The following CRYL1 variants were observed in gnomAD, a reference collection of about 807,000 sequenced individuals.
The protein encoded by CRYL1 is crystallin lambda 1, also known as lambda-crystallin homolog.
Under a neutral mutation model 36.6 loss-of-function variants are expected in CRYL1, and 29 were observed. The ratio of observed to expected loss-of-function variants is 0.79; its 90% CI spans 0.59 to 1.08. The LOEUF is 1.08. CRYL1 is among the 50% of genes least tolerant of loss of function. The pLI, the probability that CRYL1 is intolerant of heterozygous loss-of-function variation, is 0.00. For missense variants in CRYL1, 411 were observed against 407.9 expected (o/e 1.01, Z -0.06); for synonymous variants, 152 against 151.5 (o/e 1.00, Z -0.02).
At chr13:20,519,950 ACAGTC>A (rs2034065509) in intron 1 of CRYL1, among the ~76,000 whole-genome samples, 1 of 152,224 alleles carries the variant, frequency 6.6e-6, no homozygotes, top group Non-Finnish European at 1.5e-5. Context: ...TAGTTTTAAA[ACAGTC>A]CATATCTTTT....
rs371898551 is a variant in CRYL1 at position 20,453,396 on chromosome 13, T to TTGTAATATA, written c.277-13643_277-13642insTATATTACA. On this transcript the variant is annotated intron_variant, in intron 3 of 7. Coordinates refer to ENST00000298248, the MANE Select transcript of CRYL1 (RefSeq NM_015974.3). ...TGGGAAATTAGAATATTTTGAAATA[T>TTGTAATATA]TTTGAATATTTTGAAATATTCTAAT... Among the ~76,000 whole-genome samples, 26 of 137,722 alleles carry TTGTAATATA rather than the reference T, an allele frequency of 1.9e-4. 1 individual carries two copies. The highest frequency in any genetic ancestry group is 3.9e-3 in the Middle Eastern group (1 of 258). The allele number at this position is 137,722 out of a possible 152,430, so 90.4% of individuals were successfully genotyped here. A position where few individuals can be genotyped will look rare whatever the true frequency, so the allele number is the denominator to read the frequency against.
chr13:20,479,948 A>G (rs920638611), intron 3 of CRYL1, among the ~76,000 whole-genome samples: 2 of 152,210 alleles, frequency 1.3e-5, no homozygotes, highest in Non-Finnish European at 2.9e-5. Context: ...GCTGTTACCA[A>G]GAACTACATT....
intron 3 of CRYL1, among the ~76,000 whole-genome samples, chr13:20,471,389 G>A (rs1188539516): frequency 3.3e-5 from 5 of 152,054 alleles, no homozygotes; most frequent in East Asian, 1.9e-4. Flanking sequence ...TGGCTAACAC[G>A]GTGAAGTGTT....
chr13:20,432,134 C>T lies in CRYL1; in HGVS notation c.601G>A (p.Ala201Thr). Residue 201 changes from alanine to threonine, a missense_variant, in exon 5 of 8, where the codon GCA (alanine) becomes ACA (threonine). By Grantham distance (58) the Ala-to-Thr change is moderately conservative (BLOSUM62 0). Coordinates refer to ENST00000298248, the MANE Select transcript of CRYL1 (RefSeq NM_015974.3). Reference sequence around the variant, plus strand: ...AGCCGCCAGGCCTCGCTGATGATTGCATATTGCAGGCGGTTCAGAACGAAG... The same window carrying T: ...AGCCGCCAGGCCTCGCTGATGATTGTATATTGCAGGCGGTTCAGAACGAAG... ...AGFVLNRLQY[A>T]IISEAWRLVE... The T allele has an allele frequency of 6.2e-7, 1 of 1,614,148 alleles. No individual in the cohort carries two copies. Among genetic ancestry groups the T allele is most frequent in the South Asian group, 1.1e-5 (1 of 91,082 alleles).
At chr13:20,470,927 C>CAAAAAAAAAAAAAAAAAAAAAAAAAAAA (rs1282081880) in intron 3 of CRYL1, among the ~76,000 whole-genome samples, 1 of 113,810 alleles carries the variant, frequency 8.8e-6, no homozygotes, top group African/African-American at 3.4e-5. Flanking sequence ...AAAAAAAAAA[C>CAAAAAAAAAAAAAAAAAAAAAAAAAAAA]AAAAAAAAAA....
At chr13:20,456,334 G>T (rs1434766503) in intron 3 of CRYL1, among the ~76,000 whole-genome samples, 1 of 151,754 alleles carries the variant, frequency 6.6e-6, no homozygotes, top group Non-Finnish European at 1.5e-5. Context: ...ATTAGCTGGG[G>T]TTGTGGCACA....
At chr13:20,502,138 G>A (rs1345037273) in intron 2 of CRYL1, among the ~76,000 whole-genome samples, 1 of 152,112 alleles carries the variant, frequency 6.6e-6, no homozygotes, top group Admixed American at 6.5e-5. Context: ...GTTTGCCCAG[G>A]TCTCCACCCC....
intron 3 of CRYL1, among the ~76,000 whole-genome samples, chr13:20,463,078 C>T (rs1280203965): frequency 6.6e-6 from 1 of 152,160 alleles, no homozygotes; most frequent in Non-Finnish European, 1.5e-5. Context: ...GCTGGGTCTG[C>T]CCACCTCCTG....
chr13:20,466,281 T>C (rs1023634752), intron 3 of CRYL1, among the ~76,000 whole-genome samples: 1 of 152,102 alleles, frequency 6.6e-6, no homozygotes, highest in Non-Finnish European at 1.5e-5. Flanking sequence ...AGTGTTAAGG[T>C]CCACAAGAAA....
intron 2 of CRYL1, among the ~76,000 whole-genome samples, chr13:20,493,104 G>T (rs909352844): frequency 4.1e-4 from 63 of 152,226 alleles, no homozygotes; most frequent in African/African-American, 1.5e-3. Flanking sequence ...ACTCGGGTTG[G>T]CTGTTACAAT....
intron 3 of CRYL1, 50 bp downstream of exon 3, chr13:20,489,320 G>A: frequency 6.2e-7 from 1 of 1,607,064 alleles, no homozygotes. Flanking sequence ...GAGAGGCTGG[G>A]AGACAATGTC....
chr13:20,430,530 C>T (rs1054280375), intron 5 of CRYL1: 2 of 985,280 alleles, frequency 2.0e-6, no homozygotes, highest in South Asian at 4.7e-5. Context: ...AGCAGAACTA[C>T]CAGAGCAGCC....
intron 1 of CRYL1, among the ~76,000 whole-genome samples, chr13:20,512,966 T>C (rs541034713): frequency 6.6e-6 from 1 of 152,254 alleles, no homozygotes; most frequent in South Asian, 2.1e-4. Context: ...CACAAAGAAA[T>C]GATAAATGTT....
At chr13:20,457,653 T>A (rs1020688217) in intron 3 of CRYL1, among the ~76,000 whole-genome samples, 22 of 152,170 alleles carry the variant, frequency 1.4e-4, no homozygotes, top group Non-Finnish European at 2.9e-4. Flanking sequence ...AAGACAAATC[T>A]GGATCTACCA....
intron 2 of CRYL1, among the ~76,000 whole-genome samples, chr13:20,506,013 G>A (rs1031021725): frequency 6.6e-6 from 1 of 152,122 alleles, no homozygotes; most frequent in African/African-American, 2.4e-5. Flanking sequence ...TTTTACCTTG[G>A]ACTCTCTGTG....
intron 5 of CRYL1, chr13:20,431,885 G>A (rs568690108): frequency 1.3e-4 from 201 of 1,497,198 alleles, no homozygotes; most frequent in Non-Finnish European, 1.7e-4. Context: ...ACTGTAAGAA[G>A]AACCTCTCAG....
chr13:20,516,887 C>T (rs1444703543), intron 1 of CRYL1, among the ~76,000 whole-genome samples: 1 of 151,990 alleles, frequency 6.6e-6, no homozygotes, highest in Non-Finnish European at 1.5e-5. Context: ...GCCTGGGCAA[C>T]AGAGGGAAAC....
At chr13:20,469,859 C>A (rs1009960870) in intron 3 of CRYL1, among the ~76,000 whole-genome samples, 1 of 152,124 alleles carries the variant, frequency 6.6e-6, no homozygotes, top group Non-Finnish European at 1.5e-5. Flanking sequence ...CGATGGACTA[C>A]GACCAGGTAA....
rs533474889 is a variant in CRYL1 at position 20,430,799 on chromosome 13, G to A, written c.633+1303C>T. The A allele has an allele frequency of 1.0e-5, 10 of 985,384 alleles. No homozygotes were observed. In the East Asian group the frequency reaches 4.5e-4, roughly 45 times the overall value. The allele number at this position is 985,384 out of a possible 1,614,324, so 61.0% of individuals were successfully genotyped here. A position where few individuals can be genotyped will look rare whatever the true frequency, so the allele number is the denominator to read the frequency against. On this transcript the variant is annotated intron_variant, in intron 5 of 7. Coordinates refer to ENST00000298248, the MANE Select transcript of CRYL1 (RefSeq NM_015974.3). Reference sequence around the variant, plus strand: ...AAGGTTTAATTCAACAAGTGAACATGGGCAAGGAGTCTAAAGTTGTTCCCC... The same window carrying A: ...AAGGTTTAATTCAACAAGTGAACATAGGCAAGGAGTCTAAAGTTGTTCCCC...
Sources: gnomAD v4.1 joint callset for allele counts (sites outside exome capture counted in the v4.1 genomes callset) on GRCh38, gnomAD v4.1.1 for gene constraint, MANE v1.5 for transcripts, NCBI Gene and HGNC (gene_info 2026-07-23, HGNC 2026-07-21) for gene names.